The following EEPD1 variants were observed in gnomAD, a reference collection of about 807,000 sequenced individuals.
EEPD1 encodes the protein endonuclease/exonuclease/phosphatase family domain containing 1.
Under a neutral mutation model 46.3 loss-of-function variants are expected in EEPD1, and 17 were observed. The ratio of observed to expected loss-of-function variants is 0.37; its 90% CI spans 0.25 to 0.55. The LOEUF is 0.55. Among genes scored for constraint, EEPD1 ranks in the 20% least tolerant of loss-of-function variants. The probability of loss-of-function intolerance (pLI) is 0.83; values close to 1 mark genes in which losing one functional copy is unlikely to be tolerated. For synonymous variants in EEPD1, 313 were observed against 315.6 expected (o/e 0.99, Z 0.09); for missense variants, 673 against 745.6 (o/e 0.90, Z 1.13).
chr7:36,270,472 A>G (rs977390376), intron 3 of EEPD1, among the ~76,000 whole-genome samples: 7 of 151,876 alleles, frequency 4.6e-5, no homozygotes, highest in Non-Finnish European at 8.8e-5. Flanking sequence ...CCAACCCCCA[A>G]CAGGCCCCAG....
chr7:36,257,922 T>C (rs988427962), intron 3 of EEPD1, among the ~76,000 whole-genome samples: 2 of 152,222 alleles, frequency 1.3e-5, no homozygotes, highest in African/African-American at 4.8e-5. Flanking sequence ...TTTTTGAATT[T>C]TCAGCCTTTT....
intron 2 of EEPD1, among the ~76,000 whole-genome samples, chr7:36,189,057 C>T (rs892426040): frequency 2.6e-5 from 4 of 152,182 alleles, no homozygotes; most frequent in Non-Finnish European, 5.9e-5. Context: ...TAGTCTGATG[C>T]TGTAACCAGC....
chr7:36,265,526 C>G (rs1787000780), intron 3 of EEPD1, among the ~76,000 whole-genome samples: 1 of 152,214 alleles, frequency 6.6e-6, no homozygotes, highest in Non-Finnish European at 1.5e-5. Flanking sequence ...TGGTCCTACT[C>G]ATAACTCATT....
At chr7:36,285,278 G>A (rs1462212100) in intron 5 of EEPD1, among the ~76,000 whole-genome samples, 1 of 152,188 alleles carries the variant, frequency 6.6e-6, no homozygotes, top group African/African-American at 2.4e-5. Flanking sequence ...GGATTCAAGG[G>A]CAGCAGAACT....
In EEPD1 at chr7:36,210,679, TC is replaced by T. The variant is rs567526215; in HGVS notation, c.879-28304del. Among the ~76,000 whole-genome samples the T allele has an allele frequency of 5.7e-3, 872 of 152,248 alleles. 6 individuals are homozygous for T. Among genetic ancestry groups the T allele is most frequent in the African/African-American group, 0.02 (843 of 41,536 alleles). On this transcript the variant is annotated intron_variant, in intron 2 of 7. Coordinates refer to ENST00000242108, the MANE Select transcript of EEPD1 (RefSeq NM_030636.3). ...AGCTCCAGCTGTCCTGCCTTCCCTC[TC>T]CTCCTAGAAAACATCAAGCTTCTTC...
At chr7:36,189,281 G>A (rs1785420552) in intron 2 of EEPD1, among the ~76,000 whole-genome samples, 1 of 152,204 alleles carries the variant, frequency 6.6e-6, no homozygotes, top group Admixed American at 6.5e-5. Flanking sequence ...CGAGAGGAGT[G>A]TTGATCTGAA....
chr7:36,227,846 C>T (rs551625830), intron 2 of EEPD1, among the ~76,000 whole-genome samples: 1 of 152,282 alleles, frequency 6.6e-6, no homozygotes, highest in African/African-American at 2.4e-5. Flanking sequence ...TGCCACCATG[C>T]CCAACTAATT....
intron 2 of EEPD1, among the ~76,000 whole-genome samples, chr7:36,169,401 G>A (rs1428262689): frequency 2.6e-5 from 4 of 152,136 alleles, no homozygotes; most frequent in Non-Finnish European, 5.9e-5. Context: ...AGTTGTTATT[G>A]TCTGTCTTTT....
chr7:36,263,638 A>C (rs1322888876), intron 3 of EEPD1, among the ~76,000 whole-genome samples: 1 of 152,226 alleles, frequency 6.6e-6, no homozygotes. Context: ...GGAAGAGAAG[A>C]TGTCACGTTC....
intron 7 of EEPD1, 95 bp downstream of exon 7, chr7:36,297,282 A>T: frequency 7.4e-7 from 1 of 1,344,668 alleles, no homozygotes. Context: ...CCTCTGAGGC[A>T]TACATAGGAT....
intron 2 of EEPD1, among the ~76,000 whole-genome samples, chr7:36,207,804 C>T (rs1173259342): frequency 6.6e-6 from 1 of 151,640 alleles, no homozygotes; most frequent in African/African-American, 2.4e-5. Context: ...TAGTAATCCT[C>T]GAGTCTTAGA....
intron 2 of EEPD1, among the ~76,000 whole-genome samples, chr7:36,180,626 T>C (rs541556647): frequency 6.6e-6 from 1 of 152,146 alleles, no homozygotes; most frequent in East Asian, 1.9e-4. Flanking sequence ...CTGGGAAGTT[T>C]AGGTGACTGA....
chr7:36,163,454 G>A (rs1343689951), intron 2 of EEPD1, among the ~76,000 whole-genome samples: 1 of 152,038 alleles, frequency 6.6e-6, no homozygotes, highest in Admixed American at 6.5e-5. Flanking sequence ...TGTGGCTGAG[G>A]GCCATAGCTA....
At chr7:36,219,468 C>T (rs887649001) in intron 2 of EEPD1, among the ~76,000 whole-genome samples, 1 of 147,156 alleles carries the variant, frequency 6.8e-6, no homozygotes, top group African/African-American at 2.6e-5. Context: ...GAGTTTGAAA[C>T]CAGCCTGAGC....
chr7:36,181,234 G>A (rs1297536826), intron 2 of EEPD1, among the ~76,000 whole-genome samples: 7 of 143,530 alleles, frequency 4.9e-5, no homozygotes, highest in Non-Finnish European at 1.1e-4. Flanking sequence ...CACCCCACCC[G>A]CCACACCCCA....
chr7:36,219,079 T>C (rs946700014), intron 2 of EEPD1, among the ~76,000 whole-genome samples: 16 of 152,050 alleles, frequency 1.1e-4, no homozygotes, highest in Non-Finnish European at 1.3e-4. Context: ...GTGGGAAATA[T>C]CAAAAACCAA....
At chr7:36,185,717 G>A (rs1727219456) in intron 2 of EEPD1, among the ~76,000 whole-genome samples, 1 of 152,178 alleles carries the variant, frequency 6.6e-6, no homozygotes, top group Non-Finnish European at 1.5e-5. Context: ...TATAAGGTGA[G>A]GAAAATCATG....
In EEPD1 at chr7:36,196,379, C is replaced by T. The variant is rs551156609; in HGVS notation, c.878+41177C>T. Reference sequence around the variant, plus strand: ...AATAGAAATCTTTCAGCTCGTCTCCCGTCTCCCTCTCCCATCTCCCTCTCC... The same window carrying T: ...AATAGAAATCTTTCAGCTCGTCTCCTGTCTCCCTCTCCCATCTCCCTCTCC... On this transcript the variant is annotated intron_variant, in intron 2 of 7. Coordinates refer to ENST00000242108, the MANE Select transcript of EEPD1 (RefSeq NM_030636.3). Among the ~76,000 whole-genome samples, 29 of 152,024 alleles carry T rather than the reference C, an allele frequency of 1.9e-4. No homozygotes were observed. In the East Asian group the frequency reaches 4.8e-3, roughly 25 times the overall value.
intron 3 of EEPD1, among the ~76,000 whole-genome samples, chr7:36,248,514 CT>C (rs35722763): frequency 0.4 from 50,509 of 126,682 alleles, 9,502 homozygotes; most frequent in East Asian, 0.51. Context: ...GCCAGATACT[CT>C]TTTTTTTTTT....
Sources: allele counts gnomAD v4.1 joint callset (sites outside exome capture counted in the v4.1 genomes callset), GRCh38; gene constraint gnomAD v4.1.1; transcripts MANE v1.5; gene names NCBI Gene and HGNC (gene_info 2026-07-23, HGNC 2026-07-21).